Variants in PPARGC1B observed in about 807,000 individuals in gnomAD.
PPARGC1B encodes peroxisome proliferator-activated receptor gamma coactivator 1-beta.
PPARGC1B carries 34 observed loss-of-function variants against 101.6 expected under a neutral mutation model. The ratio of observed to expected loss-of-function variants is 0.33; its 90% CI spans 0.25 to 0.45. The LOEUF is 0.45. Ranked by LOEUF, PPARGC1B falls within the 20% of genes least tolerant of loss-of-function variation. PPARGC1B has a pLI of 1.00. For synonymous variants in PPARGC1B, 548 were observed against 539.3 expected, an observed-to-expected ratio of 1.02 and a Z score of -0.22; for missense variants, 1,234 against 1,317.6, an observed-to-expected ratio of 0.94 and a Z score of 0.98.
chr5:149,732,045 GGTGTGT>G (rs3042304), intron 1 of PPARGC1B, among the ~76,000 whole-genome samples: 58,475 of 148,976 alleles, frequency 0.39, 11,308 homozygotes, highest in South Asian at 0.42. Flanking sequence ...TGCGCGCGCG[GGTGTGT>G]GTGTGTGTGT....
intron 1 of PPARGC1B, among the ~76,000 whole-genome samples, chr5:149,743,250 G>A (rs1403375139): frequency 6.6e-6 from 1 of 151,030 alleles, no homozygotes; most frequent in African/African-American, 2.4e-5. Flanking sequence ...CTGCCTCCTG[G>A]GTTCAACTGA....
At chr5:149,754,379 T>C (rs1755429980) in intron 1 of PPARGC1B, among the ~76,000 whole-genome samples, 1 of 152,214 alleles carries the variant, frequency 6.6e-6, no homozygotes, top group Admixed American at 6.5e-5. Context: ...GGTCCAGACC[T>C]GACTGCCTAC....
rs4039101 is a variant in PPARGC1B, at chr5:149,777,784, A to AACACACACACACACAC, written c.79-42621_79-42606dup. ...GTAGAGATTTAAAAACTGTCTTTGT[A>AACACACACACACACAC]ACACACACACACACACACACACACA... On this transcript the variant is annotated intron_variant, in intron 1 of 11. Transcript: ENST00000309241. 5.4e-4 allele frequency among the ~76,000 whole-genome samples: 49 copies of AACACACACACACACAC among 91,062 alleles called. 5 individuals carry two copies. Among genetic ancestry groups the AACACACACACACACAC allele is most frequent in the African/African-American group, 1.1e-3 (22 of 20,124 alleles). 59.7% of individuals were successfully genotyped at this position (91,062 alleles called of 152,430 possible).
In PPARGC1B at chr5:149,832,152, A is replaced by G. The variant is rs936630977; in HGVS notation, c.583-504A>G. 1.3e-5 allele frequency among the ~76,000 whole-genome samples: 2 copies of G among 152,138 alleles called. No homozygotes were observed. On this transcript the variant is annotated intron_variant, in intron 4 of 11. Coordinates refer to ENST00000309241, the MANE Select transcript of PPARGC1B (RefSeq NM_133263.4). The surrounding 1 kb of genome is among the most constrained non-coding windows in gnomAD (Gnocchi z 4.9). ...TGAAACCTTGTCTCTACTAAAAAATACAAAAAATTAGCCGGGTGTGGTGAT... is the reference window on the plus strand; with the variant it reads ...TGAAACCTTGTCTCTACTAAAAAATGCAAAAAATTAGCCGGGTGTGGTGAT...
intron 1 of PPARGC1B, among the ~76,000 whole-genome samples, chr5:149,752,102 A>G (rs916683629): frequency 6.6e-6 from 1 of 152,240 alleles, no homozygotes; most frequent in Non-Finnish European, 1.5e-5. Flanking sequence ...TTTAACTCAG[A>G]TAATACCAGG....
intron 1 of PPARGC1B, among the ~76,000 whole-genome samples, chr5:149,794,443 C>T (rs1240607314): frequency 6.6e-6 from 1 of 151,128 alleles, no homozygotes; most frequent in Non-Finnish European, 1.5e-5. Context: ...AGCTCACTCT[C>T]AGAGAACCCA....
chr5:149,807,472 C>T (rs927016625), intron 1 of PPARGC1B, among the ~76,000 whole-genome samples: 1 of 152,172 alleles, frequency 6.6e-6, no homozygotes, highest in Admixed American at 6.5e-5. Flanking sequence ...CGACTCAGGA[C>T]CAAGGTCAGA....
At chr5:149,776,807 T>A (rs1000913928) in intron 1 of PPARGC1B, among the ~76,000 whole-genome samples, 3 of 152,226 alleles carry the variant, frequency 2.0e-5, no homozygotes, top group Non-Finnish European at 2.9e-5. Context: ...CAGGATTGTG[T>A]ATGTGGTTCT....
chr5:149,835,798 C>T (rs144258766), intron 7 of PPARGC1B, among the ~76,000 whole-genome samples: 121 of 152,282 alleles, frequency 7.9e-4, no homozygotes, highest in African/African-American at 2.7e-3. Flanking sequence ...AAATGGATTT[C>T]ATCACATGCC....
intron 1 of PPARGC1B, chr5:149,771,855 G>T: frequency 2.1e-6 from 1 of 472,458 alleles, no homozygotes; most frequent in Non-Finnish European, 3.5e-6. Context: ...AGGTGTCCAG[G>T]AAGTAAATAT....
chr5:149,806,692 C>T (rs1757612422), intron 1 of PPARGC1B, among the ~76,000 whole-genome samples: 1 of 151,800 alleles, frequency 6.6e-6, no homozygotes, highest in Non-Finnish European at 1.5e-5. Flanking sequence ...ACTGCAACCT[C>T]CGCCTCCTGG....
intron 1 of PPARGC1B, among the ~76,000 whole-genome samples, chr5:149,811,173 C>T (rs902476496): frequency 1.1e-4 from 16 of 152,202 alleles, no homozygotes; most frequent in African/African-American, 3.6e-4. Flanking sequence ...GCATTGAAAC[C>T]GCAAGTCATC....
chr5:149,811,628 T>C (rs896446174), intron 1 of PPARGC1B, among the ~76,000 whole-genome samples: 12 of 152,088 alleles, frequency 7.9e-5, no homozygotes, highest in Admixed American at 1.3e-4. Context: ...GTGGGGAGTG[T>C]TGGTTAACCA....
At chr5:149,753,913 C>T (rs575361363) in intron 1 of PPARGC1B, among the ~76,000 whole-genome samples, 20 of 152,258 alleles carry the variant, frequency 1.3e-4, no homozygotes, top group African/African-American at 3.4e-4. Context: ...AGGCTGGTCT[C>T]GAACTCCTGA....
chr5:149,748,906 T>C (rs1357728278), intron 1 of PPARGC1B, among the ~76,000 whole-genome samples: 4 of 152,094 alleles, frequency 2.6e-5, no homozygotes, highest in African/African-American at 9.7e-5. Flanking sequence ...TTGGGGAGGT[T>C]TCAGAAGGAG....
intron 1 of PPARGC1B, among the ~76,000 whole-genome samples, chr5:149,788,868 T>G (rs985928867): frequency 1.3e-5 from 2 of 152,172 alleles, no homozygotes; most frequent in South Asian, 2.1e-4. Flanking sequence ...TAGGTGGGAA[T>G]TGAACAATGA....
intron 1 of PPARGC1B, among the ~76,000 whole-genome samples, chr5:149,785,967 G>A (rs1170024900): frequency 6.6e-6 from 1 of 151,390 alleles, no homozygotes; most frequent in East Asian, 1.9e-4. Context: ...TGTTGCCCAG[G>A]CTAGAGTACA....
intron 1 of PPARGC1B, among the ~76,000 whole-genome samples, chr5:149,820,183 TG>T (rs1758229732): frequency 6.6e-6 from 1 of 152,208 alleles, no homozygotes; most frequent in African/African-American, 2.4e-5. Flanking sequence ...GAGATGTATG[TG>T]GGCAGGGCCT....
chr5:149,826,699 G>A lies in PPARGC1B; in HGVS notation c.279G>A (p.Leu93=), dbSNP rs757690779. ...TTGACAGTGAGAATGAGGCCCTCCT[G>A]GCAGAGCTCACCAAGACCCTGGATG... The part of the protein sequence containing the change: ...FQIDSENEAL[L]AELTKTLDDI... The change falls in exon 3 of 12, where the codon CTG becomes CTA. Residue 93 remains leucine (L), a synonymous_variant. Coordinates refer to ENST00000309241, the MANE Select transcript of PPARGC1B (RefSeq NM_133263.4). 3.1e-6 allele frequency: 5 copies of A among 1,613,938 alleles called. No homozygotes were observed. Among genetic ancestry groups the A allele is most frequent in the Non-Finnish European group, 3.4e-6 (4 of 1,179,976 alleles).
Sources: gnomAD v4.1 joint callset for allele counts (sites outside exome capture counted in the v4.1 genomes callset) on GRCh38, gnomAD v4.1.1 for gene constraint, Gnocchi (gnomAD v3.1) non-coding constraint, MANE v1.5 for transcripts, NCBI Gene and HGNC (gene_info 2026-07-23, HGNC 2026-07-21) for gene names.